OSBPL3: variants seen among roughly 807,000 people sequenced by gnomAD.
OSBPL3 encodes oxysterol-binding protein-related protein 3.
OSBPL3 carries 65 observed loss-of-function variants against 120.1 expected under a neutral mutation model. The ratio of observed to expected loss-of-function variants is 0.54; its 90% CI spans 0.44 to 0.67. The LOEUF (loss-of-function observed/expected upper bound fraction) is 0.67. Among genes scored for constraint, OSBPL3 ranks in the 30% least tolerant of loss-of-function variants. The pLI, the probability that OSBPL3 is intolerant of heterozygous loss-of-function variation, is 0.00. For missense variants in OSBPL3, 1,004 were observed against 1,082.1 expected (o/e 0.93, Z 1.01); for synonymous variants, 416 against 402.6 (o/e 1.03, Z -0.40).
intron 1 of OSBPL3, among the ~76,000 whole-genome samples, chr7:24,969,072 C>T (rs1479882886): frequency 1.3e-5 from 2 of 152,204 alleles, no homozygotes; most frequent in African/African-American, 4.8e-5. Context: ...ACAGATACTG[C>T]CAATGGCTCG....
chr7:24,879,566 G>A lies in OSBPL3; in HGVS notation c.97-7497C>T, dbSNP rs1406077688. On this transcript the variant is annotated intron_variant, in intron 2 of 22. Coordinates refer to ENST00000313367, the MANE Select transcript of OSBPL3 (RefSeq NM_015550.4). This position sits in a 1 kb window ranked among gnomAD's most constrained non-coding sequence, Gnocchi z 5.6. ...GGTGCCTTCATTACTTAGATAATGG[G>A]AGAATATTCATGCTGTCTTTGTGGT... Among the ~76,000 whole-genome samples the A allele has an allele frequency of 6.6e-6, 1 of 152,160 alleles. No homozygotes were observed. Among genetic ancestry groups the A allele is most frequent in the Non-Finnish European group, 1.5e-5 (1 of 68,030 alleles).
intron 1 of OSBPL3, among the ~76,000 whole-genome samples, chr7:24,954,122 G>A (rs1814765720): frequency 6.6e-6 from 1 of 152,152 alleles, no homozygotes; most frequent in African/African-American, 2.4e-5. Flanking sequence ...GGCAAACAAA[G>A]TAGCAATAAT....
At chr7:24,842,893 TAC>T (rs1184756745) in intron 12 of OSBPL3, among the ~76,000 whole-genome samples, 1 of 152,240 alleles carries the variant, frequency 6.6e-6, no homozygotes, top group African/African-American at 2.4e-5. Context: ...CCTTGACAAA[TAC>T]ACAGTGTGTT....
rs559657486 is a variant in OSBPL3 at position 24,973,030 on chromosome 7, G to A, written c.-150+6856C>T. 2.0e-5 allele frequency among the ~76,000 whole-genome samples: 3 copies of A among 152,248 alleles called. No individual in the cohort carries two copies. In the East Asian group the frequency reaches 5.8e-4, roughly 29 times the overall value. On this transcript the variant is annotated intron_variant, in intron 1 of 22. Coordinates refer to ENST00000313367, the MANE Select transcript of OSBPL3 (RefSeq NM_015550.4). ...AAGATTTTAGTATTTTAACTGTAGA[G>A]GGTAAACAAAATAGCAAACTTTAGT...
chr7:24,838,835 A>G lies in OSBPL3; in HGVS notation c.1495+1855T>C, dbSNP rs1385402798. Among the ~76,000 whole-genome samples, 9 of 152,312 alleles carry G rather than the reference A, an allele frequency of 5.9e-5. No homozygotes were observed. The East Asian group carries it at 1.7e-3, about 29-fold the overall frequency. ...TTTCAACTTGCCTCCTTGTTTTTCT[A>G]GAAAAATAAGCAGCACACAAACTTG... On this transcript the variant is annotated intron_variant, in intron 14 of 22. Transcript: ENST00000313367.
intron 2 of OSBPL3, among the ~76,000 whole-genome samples, chr7:24,884,430 TG>T (rs1405207861): frequency 3.9e-5 from 6 of 152,126 alleles, no homozygotes; most frequent in African/African-American, 1.4e-4. Flanking sequence ...AAGGGTAGCA[TG>T]AAAGGATATT....
rs1437721133 is a variant in OSBPL3 at position 24,821,201 on chromosome 7, C to T, written c.1885-963G>A. ...TACATTGAGAGTATCTAGCTCAAAG[C>T]CTGCACCTTATAAACGAAGAGACTG... On this transcript the variant is annotated intron_variant, in intron 16 of 22. Coordinates refer to ENST00000313367, the MANE Select transcript of OSBPL3 (RefSeq NM_015550.4). This position sits in a 1 kb window ranked among gnomAD's most constrained non-coding sequence, Gnocchi z 5.5. Among the ~76,000 whole-genome samples, 4 of 152,174 alleles carry T rather than the reference C, an allele frequency of 2.6e-5. No homozygotes were observed. The highest frequency in any genetic ancestry group is 4.8e-5 in the African/African-American group (2 of 41,420).
At chr7:24,825,040 AG>A (rs1429467279) in intron 16 of OSBPL3, among the ~76,000 whole-genome samples, 1 of 152,160 alleles carries the variant, frequency 6.6e-6, no homozygotes, top group African/African-American at 2.4e-5. Context: ...GAGATTTTCG[AG>A]GGCGTTGTGG....
intron 1 of OSBPL3, among the ~76,000 whole-genome samples, chr7:24,925,100 C>T (rs1810881208): frequency 6.6e-6 from 1 of 152,154 alleles, no homozygotes; most frequent in South Asian, 2.1e-4. Context: ...GACATGACCA[C>T]AGAATTAGGT....
intron 1 of OSBPL3, among the ~76,000 whole-genome samples, chr7:24,929,763 A>T (rs1036097055): frequency 8.6e-5 from 13 of 151,972 alleles, no homozygotes; most frequent in Non-Finnish European, 1.5e-4. Context: ...TCCAAATTGT[A>T]CCTGTTTTTA....
intron 16 of OSBPL3, among the ~76,000 whole-genome samples, chr7:24,826,770 C>T (rs1007713097): frequency 3.3e-5 from 5 of 152,166 alleles, no homozygotes; most frequent in African/African-American, 1.2e-4. Flanking sequence ...AATGCTTTCT[C>T]TGATTTCTGA....
chr7:24,913,592 T>G lies in OSBPL3; in HGVS notation c.-149-20971A>C, dbSNP rs75802003. Among the ~76,000 whole-genome samples the G allele has an allele frequency of 0.014, 2,145 of 152,142 alleles. 25 individuals carry two copies. The highest frequency in any genetic ancestry group is 0.022 in the Non-Finnish European group (1,503 of 67,986). ...TGACAGACACATCACAAAGTGACAC[T>G]GGGAATCTAGGACTGGGCACAAAGA... On this transcript the variant is annotated intron_variant, in intron 1 of 22. Transcript: ENST00000313367. The surrounding 1 kb of genome is among the most constrained non-coding windows in gnomAD (Gnocchi z 5.3).
In OSBPL3 at chr7:24,968,342, G is replaced by A. The variant is rs1251413374; in HGVS notation, c.-150+11544C>T. 6.6e-6 allele frequency among the ~76,000 whole-genome samples: 1 copy of A among 152,182 alleles called. No individual in the cohort carries two copies. The highest frequency in any genetic ancestry group is 1.5e-5 in the Non-Finnish European group (1 of 68,038). On this transcript the variant is annotated intron_variant, in intron 1 of 22. Transcript: ENST00000313367. This position sits in a 1 kb window ranked among gnomAD's most constrained non-coding sequence, Gnocchi z 4.6. ...CATGAAGTAATCAGCCAAGGGCTTG[G>A]GAAGTCACGCACAGTTGGTTCCCAC...
chr7:24,840,849 C>A, intron 13 of OSBPL3, 66 bp from the exon 14 acceptor site: 1 of 721,942 alleles, frequency 1.4e-6, no homozygotes, highest in Non-Finnish European at 2.3e-6. Flanking sequence ...TTCATAAAAC[C>A]CTTACTCTAA....
intron 2 of OSBPL3, among the ~76,000 whole-genome samples, chr7:24,874,449 T>G (rs1407478996): frequency 1.3e-5 from 2 of 152,218 alleles, no homozygotes; most frequent in Non-Finnish European, 2.9e-5. Context: ...TCAGACGTTA[T>G]TGCATCCTTT....
chr7:24,861,914 T>C (rs1368025769), intron 9 of OSBPL3, 145 bp from the exon 10 acceptor site: 2 of 491,072 alleles, frequency 4.1e-6, no homozygotes, highest in Non-Finnish European at 6.9e-6. Flanking sequence ...GGGGATGGAG[T>C]CTCGCTCTGC....
intron 1 of OSBPL3, among the ~76,000 whole-genome samples, chr7:24,962,468 G>GAGGAGAGAGA (rs1563015691): frequency 8.2e-4 from 123 of 150,632 alleles, no homozygotes; most frequent in African/African-American, 2.7e-3. Flanking sequence ...GAGGAGAGAG[G>GAGGAGAGAGA]AGGAGAGAGG....
chr7:24,865,601 A>G, intron 6 of OSBPL3, 136 bp from the exon 7 acceptor site: 1 of 830,754 alleles, frequency 1.2e-6, no homozygotes, highest in Non-Finnish European at 1.9e-6. Flanking sequence ...CTTCTAGCAA[A>G]GTACTAAGAC....
At position 24,848,177 on chromosome 7, in the gene OSBPL3, G is replaced by A. The variant is rs368353774; in HGVS notation, c.1266+892C>T. Among the ~76,000 whole-genome samples, 45 of 152,342 alleles carry A rather than the reference G, an allele frequency of 3.0e-4. 5 individuals are homozygous for A. The highest frequency in any genetic ancestry group is 1.7e-3 in the Admixed American group (26 of 15,298). ...ACCCCGCACAATGGCTTCCCAAGGA[G>A]TGAAGGTGTGTGAGGGGTTTGTTTT... is the stretch of plus-strand genomic sequence containing the variant. On this transcript the variant is annotated intron_variant, in intron 12 of 22. Transcript: ENST00000313367.
Sources: allele counts gnomAD v4.1 joint callset (sites outside exome capture counted in the v4.1 genomes callset), GRCh38; gene constraint gnomAD v4.1.1; non-coding constraint Gnocchi (gnomAD v3.1); transcripts MANE v1.5; gene names NCBI Gene and HGNC (gene_info 2026-07-23, HGNC 2026-07-21).